TMOD2: variants seen among roughly 807,000 people sequenced by gnomAD.
TMOD2 encodes tropomodulin 2, also known as tropomodulin-2.
TMOD2 carries 22 observed loss-of-function variants against 39.9 expected under a neutral mutation model. The ratio of observed to expected loss-of-function variants is 0.55; its 90% confidence interval spans 0.39 to 0.79. The LOEUF (loss-of-function observed/expected upper bound fraction) is 0.79, where lower values mean the gene tolerates loss of function less well. Ranked by LOEUF, TMOD2 falls within the 30% of genes least tolerant of loss-of-function variation. TMOD2 has a pLI of 0.00. For synonymous variants in TMOD2, 123 were observed against 146.1 expected (o/e 0.84, Z 1.14); for missense variants, 386 against 413.3 (o/e 0.93, Z 0.57).
chr15:51,766,890 A>G (rs2055819880), intron 2 of TMOD2: 1 of 180,266 alleles, frequency 5.5e-6, no homozygotes, highest in East Asian at 1.4e-4. Context: ...GTTTTTTCTG[A>G]GTCATATATT....
intron 4 of TMOD2, among the ~76,000 whole-genome samples, chr15:51,775,074 C>T (rs3794532): frequency 0.4 from 61,231 of 151,982 alleles, 12,491 homozygotes; most frequent in Middle Eastern, 0.45. Flanking sequence ...AGGGTGGGCC[C>T]TTCTGGAAGA....
chr15:51,785,981 A>T (rs1302180751), intron 7 of TMOD2, among the ~76,000 whole-genome samples: 1 of 152,154 alleles, frequency 6.6e-6, no homozygotes, highest in Non-Finnish European at 1.5e-5. Context: ...TTTTTAATTT[A>T]TTTGGTATAG....
intron 8 of TMOD2, among the ~76,000 whole-genome samples, chr15:51,801,982 A>C (rs916428455): frequency 1.3e-5 from 2 of 150,806 alleles, no homozygotes; most frequent in African/African-American, 4.9e-5. Flanking sequence ...TTAATACACT[A>C]CATACTTAGA....
chr15:51,803,073 A>C (rs528017643), intron 8 of TMOD2, among the ~76,000 whole-genome samples: 1 of 152,336 alleles, frequency 6.6e-6, no homozygotes, highest in Non-Finnish European at 1.5e-5. Flanking sequence ...TAGCAGAGCA[A>C]TAAAGCAGAT....
chr15:51,813,865 C>G lies in TMOD2; in HGVS notation c.*5411C>G. 6.6e-6 allele frequency: 1 copy of G among 152,170 alleles called. No homozygotes were observed. The highest frequency in any genetic ancestry group is 2.4e-5 in the African/African-American group (1 of 41,436). 9.4% of individuals were successfully genotyped at this position (152,170 alleles called of 1,614,324 possible). ...AAATGTGAGAGATCAGTTTTATTAT[C>G]AAATCACTGTTTTCCACTGCCTCTT... is the stretch of plus-strand genomic sequence containing the variant. On this transcript the variant is annotated 3_prime_UTR_variant, in exon 10 of 10. Coordinates refer to ENST00000249700, the MANE Select transcript of TMOD2 (RefSeq NM_014548.4).
intron 9 of TMOD2, among the ~76,000 whole-genome samples, chr15:51,807,003 C>T (rs1024858310): frequency 9.2e-5 from 14 of 152,184 alleles, no homozygotes; most frequent in African/African-American, 3.4e-4. Context: ...TTCAGTTAGC[C>T]CCTTCAGTTT....
chr15:51,780,954 CA>C, intron 5 of TMOD2, 89 bp from the exon 6 acceptor site: 1 of 1,025,428 alleles, frequency 9.8e-7, no homozygotes, highest in Admixed American at 2.6e-5. Context: ...TTGGAATCAG[CA>C]TATGAAAGAA....
intron 9 of TMOD2, among the ~76,000 whole-genome samples, chr15:51,808,151 G>A (rs2056132843): frequency 6.6e-6 from 1 of 152,090 alleles, no homozygotes; most frequent in African/African-American, 2.4e-5. Flanking sequence ...TGTTTCACGG[G>A]TCTCTTCTGG....
At chr15:51,794,016 G>A (rs1042177285) in intron 7 of TMOD2, among the ~76,000 whole-genome samples, 4 of 152,218 alleles carry the variant, frequency 2.6e-5, no homozygotes, top group Admixed American at 6.5e-5. Context: ...TGCAGTGCAA[G>A]CAACTGCCTG....
chr15:51,770,880 TG>T (rs1247208855), intron 3 of TMOD2, among the ~76,000 whole-genome samples: 1 of 152,224 alleles, frequency 6.6e-6, no homozygotes, highest in Non-Finnish European at 1.5e-5. Context: ...TGTGAAAATA[TG>T]GATCTGTTTC....
chr15:51,786,318 C>T (rs2055969841), intron 7 of TMOD2, among the ~76,000 whole-genome samples: 1 of 151,724 alleles, frequency 6.6e-6, no homozygotes, highest in Admixed American at 6.6e-5. Flanking sequence ...TATTGGGAGT[C>T]CTGGCAGAAA....
At chr15:51,807,282 G>A (rs1013367004) in intron 9 of TMOD2, among the ~76,000 whole-genome samples, 26 of 152,298 alleles carry the variant, frequency 1.7e-4, no homozygotes, top group African/African-American at 5.8e-4. Context: ...TGGGCAAGGC[G>A]TTCCACCAGG....
At chr15:51,767,647 T>C (rs1044002258) in intron 2 of TMOD2, among the ~76,000 whole-genome samples, 1 of 150,324 alleles carries the variant, frequency 6.7e-6, no homozygotes, top group Non-Finnish European at 1.5e-5. Context: ...AAAAAAAAAA[T>C]CGGAGCCATC....
intron 5 of TMOD2, among the ~76,000 whole-genome samples, chr15:51,777,518 C>G (rs758289002): frequency 4.6e-5 from 7 of 152,174 alleles, no homozygotes; most frequent in Non-Finnish European, 1.0e-4. Flanking sequence ...CATGGACTTA[C>G]GTGCACAGGA....
chr15:51,762,622 C>G (rs557350907), intron 1 of TMOD2, among the ~76,000 whole-genome samples: 44 of 152,042 alleles, frequency 2.9e-4, no homozygotes, highest in Non-Finnish European at 4.3e-4. Flanking sequence ...TGTGTGAAAC[C>G]ATCACCACAA....
chr15:51,790,043 A>T (rs1273447084), intron 7 of TMOD2, among the ~76,000 whole-genome samples: 4 of 152,098 alleles, frequency 2.6e-5, no homozygotes, highest in Admixed American at 1.3e-4. Flanking sequence ...GACACAAAAA[A>T]CTCTTCAAAA....
intron 9 of TMOD2, among the ~76,000 whole-genome samples, chr15:51,807,038 G>T (rs1217222924): frequency 6.6e-6 from 1 of 152,218 alleles, no homozygotes; most frequent in Non-Finnish European, 1.5e-5. Context: ...TGTTGCTGAG[G>T]ATCCCTGGCA....
chr15:51,791,189 C>T (rs891106868), intron 7 of TMOD2, among the ~76,000 whole-genome samples: 4 of 152,146 alleles, frequency 2.6e-5, no homozygotes, highest in African/African-American at 9.7e-5. Context: ...GCAAAAATCA[C>T]AAACATTTCT....
At chr15:51,786,782 T>G (rs903941920) in intron 7 of TMOD2, among the ~76,000 whole-genome samples, 2 of 152,244 alleles carry the variant, frequency 1.3e-5, no homozygotes, top group African/African-American at 4.8e-5. Context: ...AATGCTACTG[T>G]TATTTACAAT....
Sources: gnomAD v4.1 joint callset for allele counts (sites outside exome capture counted in the v4.1 genomes callset) on GRCh38, gnomAD v4.1.1 for gene constraint, MANE v1.5 for transcripts, NCBI Gene and HGNC (gene_info 2026-07-23, HGNC 2026-07-21) for gene names.